The following FNTB variants were observed in gnomAD, a reference collection of about 807,000 sequenced individuals.
The protein encoded by FNTB is farnesyltransferase, CAAX box, subunit beta, also known as protein farnesyltransferase subunit beta.
FNTB carries 27 observed loss-of-function variants against 59.4 expected under a neutral mutation model. The observed-to-expected ratio is 0.45, with a 90% CI of 0.34 to 0.63. The LOEUF (loss-of-function observed/expected upper bound fraction) is 0.63. Among genes scored for constraint, FNTB ranks in the 20% least tolerant of loss-of-function variants. The pLI, the probability that FNTB is intolerant of heterozygous loss-of-function variation, is 0.02. For missense variants in FNTB, 449 were observed against 559.6 expected, an observed-to-expected ratio of 0.80 and a Z score of 1.99; for synonymous variants, 230 against 220.7, an observed-to-expected ratio of 1.04 and a Z score of -0.37.
chr14:65,005,478 TTTCTTTCTTTCTTTC>T (rs2061568715), intron 2 of FNTB, among the ~76,000 whole-genome samples: 1 of 135,272 alleles, frequency 7.4e-6, no homozygotes, highest in East Asian at 2.5e-4. Context: ...TCTTTCTTTC[TTTCTTTCTTTCTTTC>T]TTTCTTTCTT....
Position 65,031,979 on chromosome 14 carries a change from CGTGTGTGTGTGTGTGTGTGTGT to C in FNTB, c.606-612_606-591del, listed in dbSNP as rs563468928. Among the ~76,000 whole-genome samples the C allele has an allele frequency of 4.2e-5, 6 of 141,288 alleles. No homozygotes were observed. The East Asian group carries it at 6.4e-4, about 15-fold the overall frequency. The allele number at this position is 141,288 out of a possible 152,430, so 92.7% of individuals were successfully genotyped here. On this transcript the variant is annotated intron_variant, in intron 6 of 11. Coordinates refer to ENST00000246166, the MANE Select transcript of FNTB (RefSeq NM_002028.4). This position sits in a 1 kb window ranked among gnomAD's most constrained non-coding sequence, Gnocchi z 4.6. The stretch of plus-strand genomic sequence containing the variant: ...ATAGACGTGCGCCTTTTTCATTTAA[CGTGTGTGTGTGTGTGTGTGTGT>C]GTGTGTGTGTGTGTGTGTACTGGTG...
chr14:65,040,448 T>C (rs1595075557), intron 7 of FNTB, among the ~76,000 whole-genome samples: 1 of 151,966 alleles, frequency 6.6e-6, no homozygotes, highest in East Asian at 1.9e-4. Context: ...TTATTATACT[T>C]ACATTTTTTG....
At chr14:65,056,054 G>A (rs2062729305) in intron 11 of FNTB, among the ~76,000 whole-genome samples, 1 of 152,066 alleles carries the variant, frequency 6.6e-6, no homozygotes, top group Non-Finnish European at 1.5e-5. Context: ...GCCTGTGGAT[G>A]TTTTTGTGCT....
intron 2 of FNTB, 104 bp downstream of exon 2, chr14:65,004,417 G>T (rs145125744): frequency 1.7e-5 from 21 of 1,226,382 alleles, no homozygotes; most frequent in African/African-American, 9.1e-5. Context: ...AGCATCTGCT[G>T]CAAGAATGGT....
rs1025477066 is a variant in FNTB at position 65,029,705 on chromosome 14, T to C, written c.605+1924T>C. On this transcript the variant is annotated intron_variant, in intron 6 of 11. Coordinates refer to ENST00000246166, the MANE Select transcript of FNTB (RefSeq NM_002028.4). This position sits in a 1 kb window ranked among gnomAD's most constrained non-coding sequence, Gnocchi z 4.7. ...AAAGGACAAGTTCAGTGTTGAAGTG[T>C]AGATGGCCTGGTGGGCAGGGGAGCA... is the stretch of plus-strand genomic sequence containing the variant. Among the ~76,000 whole-genome samples, 8 of 152,098 alleles carry C rather than the reference T, an allele frequency of 5.3e-5. No homozygotes were observed. The highest frequency in any genetic ancestry group is 1.2e-4 in the Non-Finnish European group (8 of 68,016).
At chr14:65,019,308 G>A (rs1421992671) in intron 4 of FNTB, among the ~76,000 whole-genome samples, 28 of 152,150 alleles carry the variant, frequency 1.8e-4, no homozygotes, top group Admixed American at 1.8e-3. Flanking sequence ...CCAACATGGT[G>A]AAACCCTGTC....
chr14:65,010,883 A>G (rs1187457145), intron 2 of FNTB, among the ~76,000 whole-genome samples: 1 of 152,216 alleles, frequency 6.6e-6, no homozygotes, highest in African/African-American at 2.4e-5. Flanking sequence ...ATAGTAGAGT[A>G]GCCATTAGCC....
chr14:65,013,583 T>C (rs1249060820), intron 3 of FNTB, among the ~76,000 whole-genome samples: 1 of 152,236 alleles, frequency 6.6e-6, no homozygotes, highest in Non-Finnish European at 1.5e-5. Context: ...GGAGTCTCGC[T>C]GTATTTCCCA....
At chr14:65,050,838 G>A (rs542329957) in intron 9 of FNTB, among the ~76,000 whole-genome samples, 6 of 152,246 alleles carry the variant, frequency 3.9e-5, no homozygotes, top group Non-Finnish European at 8.8e-5. Flanking sequence ...TAATTCCACC[G>A]TGGTCAGTCT....
At position 65,011,300 on chromosome 14, in the gene FNTB, G is replaced by A. The variant is rs770464715; in HGVS notation, c.210-1017G>A. Among the ~76,000 whole-genome samples the A allele has an allele frequency of 6.6e-6, 1 of 152,090 alleles. No individual in the cohort carries two copies. The highest frequency in any genetic ancestry group is 1.5e-5 in the Non-Finnish European group (1 of 68,004). ...AAAAATTAGCTGGGTGTGGTGGCAC[G>A]TGCCTGTAATCCCAGCTACTCAGGT... On this transcript the variant is annotated intron_variant, in intron 2 of 11. Coordinates refer to ENST00000246166, the MANE Select transcript of FNTB (RefSeq NM_002028.4). This position sits in a 1 kb window ranked among gnomAD's most constrained non-coding sequence, Gnocchi z 4.0.
chr14:65,058,903 T>C (rs1316547303), intron 11 of FNTB, among the ~76,000 whole-genome samples: 18 of 152,230 alleles, frequency 1.2e-4, no homozygotes, highest in African/African-American at 3.6e-4. Context: ...TTTTTGCATG[T>C]ACATTCATAA....
intron 4 of FNTB, among the ~76,000 whole-genome samples, chr14:65,020,976 T>C (rs11627485): frequency 0.36 from 54,163 of 151,934 alleles, 10,287 homozygotes; most frequent in Non-Finnish European, 0.43. Flanking sequence ...GTGATACACC[T>C]GTCTTGGCTT....
At chr14:65,020,906 A>G (rs953667187) in intron 4 of FNTB, among the ~76,000 whole-genome samples, 4 of 146,840 alleles carry the variant, frequency 2.7e-5, no homozygotes, top group Non-Finnish European at 6.0e-5. Context: ...TAATTTTTGT[A>G]TTTTGTAAAG....
chr14:65,015,120 T>G (rs1366532142), intron 3 of FNTB, among the ~76,000 whole-genome samples: 4 of 147,152 alleles, frequency 2.7e-5, no homozygotes, highest in Admixed American at 6.8e-5. Flanking sequence ...TTTTTTTTTT[T>G]GAGACGGAGT....
intron 9 of FNTB, among the ~76,000 whole-genome samples, chr14:65,050,452 G>A (rs946562590): frequency 1.3e-5 from 2 of 152,222 alleles, no homozygotes; most frequent in Admixed American, 6.5e-5. Context: ...TTAGCCAGGC[G>A]TGGGGGCTTG....
At chr14:65,022,253 TC>T (rs1449019939) in intron 4 of FNTB, 2 of 329,806 alleles carry the variant, frequency 6.1e-6, no homozygotes, top group Non-Finnish European at 1.2e-5. Context: ...GGATGACTGT[TC>T]CTATTTCCAA....
intron 7 of FNTB, among the ~76,000 whole-genome samples, chr14:65,035,035 C>A (rs1470096773): frequency 6.6e-6 from 1 of 152,236 alleles, no homozygotes; most frequent in Non-Finnish European, 1.5e-5. Flanking sequence ...TTTGTTTCCC[C>A]AGCACGTATG....
rs1303740111 is a variant in FNTB, at chr14:65,023,357, GAATC to G, written c.375-4090_375-4087del. Among the ~76,000 whole-genome samples the G allele has an allele frequency of 6.6e-6, 1 of 152,158 alleles. No individual in the cohort carries two copies. Among genetic ancestry groups the G allele is most frequent in the Non-Finnish European group, 1.5e-5 (1 of 68,024 alleles). On this transcript the variant is annotated intron_variant, in intron 4 of 11. Coordinates refer to ENST00000246166, the MANE Select transcript of FNTB (RefSeq NM_002028.4). The surrounding 1 kb of genome is among the most constrained non-coding windows in gnomAD (Gnocchi z 4.1). The stretch of plus-strand genomic sequence containing the variant: ...AGGCATGAGCCACCACGCCTGGCCA[GAATC>G]AATCACTTTAGATCAGTCCTCAGCC...
In FNTB at chr14:64,990,956, A is replaced by G. The variant is rs988851993; in HGVS notation, c.144+3859A>G. ...AATGCAGATGCAGGGAGGGCCTTTC[A>G]TGACACTAGAGAACAAGACATGGTT... On this transcript the variant is annotated intron_variant, in intron 1 of 11. Transcript: ENST00000246166. This position sits in a 1 kb window ranked among gnomAD's most constrained non-coding sequence, Gnocchi z 5.2. Among the ~76,000 whole-genome samples the G allele has an allele frequency of 2.1e-4, 32 of 152,284 alleles. No homozygotes were observed. In the South Asian group the frequency reaches 6.2e-3, roughly 30 times the overall value.
Sources: gnomAD v4.1 joint callset for allele counts (sites outside exome capture counted in the v4.1 genomes callset) on GRCh38, gnomAD v4.1.1 for gene constraint, Gnocchi (gnomAD v3.1) non-coding constraint, MANE v1.5 for transcripts, NCBI Gene and HGNC (gene_info 2026-07-23, HGNC 2026-07-21) for gene names.